Variants in FER observed in about 807,000 individuals in gnomAD.
FER encodes FER tyrosine kinase.
Under a neutral mutation model 111.0 loss-of-function variants are expected in FER, and 63 were observed. That is an observed-to-expected ratio of 0.57 (90% CI 0.46 to 0.70). The LOEUF is 0.70. Among genes scored for constraint, FER ranks in the 30% least tolerant of loss-of-function variants. The probability of loss-of-function intolerance (pLI) is 0.00; values close to 1 mark genes in which losing one functional copy is unlikely to be tolerated. For synonymous variants in FER, 327 were observed against 313.9 expected, an observed-to-expected ratio of 1.04 and a Z score of -0.44; for missense variants, 914 against 954.0, an observed-to-expected ratio of 0.96 and a Z score of 0.55.
chr5:109,011,548 G>A (rs1766269300), intron 13 of FER, among the ~76,000 whole-genome samples: 1 of 152,058 alleles, frequency 6.6e-6, no homozygotes, highest in Non-Finnish European at 1.5e-5. Context: ...TGGACTTAAT[G>A]AGCTAGCCTC....
intron 3 of FER, among the ~76,000 whole-genome samples, chr5:108,809,173 C>T (rs1475637772): frequency 6.6e-6 from 1 of 152,086 alleles, no homozygotes; most frequent in African/African-American, 2.4e-5. Context: ...TGTATTATTC[C>T]TTCAAATATG....
chr5:109,104,385 GAGAT>G (rs1289342720), intron 17 of FER, among the ~76,000 whole-genome samples: 3 of 152,320 alleles, frequency 2.0e-5, no homozygotes, highest in Non-Finnish European at 4.4e-5. Flanking sequence ...ATAATGCAAA[GAGAT>G]AGTCAATTTT....
rs1201234715 is a variant in FER, at chr5:109,189,558, C to T, written c.*1983C>T. On this transcript the variant is annotated 3_prime_UTR_variant, in exon 20 of 20. Coordinates refer to ENST00000281092, the MANE Select transcript of FER (RefSeq NM_005246.4). ...TAAAGGGAAATTTCTTTTGATGGCA[C>T]GTACTATGGTAAATCAAAGCGCAAA... 6.6e-6 allele frequency: 1 copy of T among 152,142 alleles called. No individual in the cohort carries two copies. Among genetic ancestry groups the T allele is most frequent in the Non-Finnish European group, 1.5e-5 (1 of 68,024 alleles). 9.4% of individuals were successfully genotyped at this position (152,142 alleles called of 1,614,324 possible). A position where few individuals can be genotyped will look rare whatever the true frequency, so the allele number is the denominator to read the frequency against.
chr5:109,035,061 GTC>G (rs1770181890), intron 13 of FER, among the ~76,000 whole-genome samples: 1 of 124,810 alleles, frequency 8.0e-6, no homozygotes, highest in South Asian at 2.5e-4. Context: ...TTTTTACTGA[GTC>G]TCGCTCTGTC....
At chr5:109,026,138 AG>A (rs1768700803) in intron 13 of FER, among the ~76,000 whole-genome samples, 1 of 152,210 alleles carries the variant, frequency 6.6e-6, no homozygotes, top group African/African-American at 2.4e-5. Flanking sequence ...TTTTATAAGT[AG>A]GGAAATTACA....
intron 17 of FER, among the ~76,000 whole-genome samples, chr5:109,111,622 C>G (rs1749630652): frequency 6.6e-6 from 1 of 152,170 alleles, no homozygotes; most frequent in African/African-American, 2.4e-5. Context: ...GTTTAACTGA[C>G]TCACAGTTCC....
rs138658348 is a variant in FER, at chr5:108,785,355, C to T, written c.-59-12769C>T. The T allele has an allele frequency of 2.2e-4, 126 of 579,576 alleles. 1 individual carries two copies. In the East Asian group the frequency reaches 5.3e-3, roughly 25 times the overall value. The allele number at this position is 579,576 out of a possible 1,614,324, so 35.9% of individuals were successfully genotyped here. A position where few individuals can be genotyped will look rare whatever the true frequency, so the allele number is the denominator to read the frequency against. ...CCCAACTGCTACTGGCTCTGTGCTGCCATGGGCCCCAGCATCAAGATCTGG... is the reference window on the plus strand; with the variant it reads ...CCCAACTGCTACTGGCTCTGTGCTGTCATGGGCCCCAGCATCAAGATCTGG... On this transcript the variant is annotated intron_variant, in intron 2 of 19. Coordinates refer to ENST00000281092, the MANE Select transcript of FER (RefSeq NM_005246.4).
At chr5:108,789,255 TG>T (rs113268828) in intron 2 of FER, among the ~76,000 whole-genome samples, 2 of 152,224 alleles carry the variant, frequency 1.3e-5, no homozygotes, top group Non-Finnish European at 2.9e-5. Context: ...TTAAGGAGTT[TG>T]GGCTTTATTG....
At chr5:108,887,138 T>G (rs1189411517) in intron 9 of FER, among the ~76,000 whole-genome samples, 7 of 151,754 alleles carry the variant, frequency 4.6e-5, no homozygotes, top group Non-Finnish European at 1.0e-4. Context: ...CTTGTGAGAC[T>G]ACATTTCTTC....
intron 17 of FER, among the ~76,000 whole-genome samples, chr5:109,117,432 T>G (rs1331764137): frequency 6.6e-6 from 1 of 152,154 alleles, no homozygotes; most frequent in East Asian, 1.9e-4. Flanking sequence ...TATCATTTTG[T>G]GATAAACTCA....
intron 1 of FER, among the ~76,000 whole-genome samples, chr5:108,755,498 T>G (rs767902050): frequency 4.6e-5 from 7 of 152,122 alleles, no homozygotes; most frequent in Non-Finnish European, 5.9e-5. Context: ...TTGTTGTTGT[T>G]TTTTGAGACA....
chr5:108,819,419 C>A (rs1246770903), intron 3 of FER, among the ~76,000 whole-genome samples: 1 of 152,078 alleles, frequency 6.6e-6, no homozygotes. Flanking sequence ...AGGTGTAACA[C>A]ATTAAGAATT....
intron 3 of FER, among the ~76,000 whole-genome samples, chr5:108,828,128 C>T (rs115136375): frequency 1.7e-3 from 262 of 152,202 alleles, no homozygotes; most frequent in African/African-American, 6.1e-3. Flanking sequence ...CCTTGGCCTC[C>T]CCAAACACTG....
chr5:108,766,271 A>G (rs1395011778), intron 1 of FER, among the ~76,000 whole-genome samples: 1 of 152,158 alleles, frequency 6.6e-6, no homozygotes, highest in Non-Finnish European at 1.5e-5. Flanking sequence ...TTTGTCATGA[A>G]TTTTATCGTT....
chr5:108,832,196 GT>G (rs5870332), intron 3 of FER, among the ~76,000 whole-genome samples: 34,532 of 151,946 alleles, frequency 0.23, 4,093 homozygotes, highest in African/African-American at 0.28. Context: ...TACAATACCA[GT>G]ATTCTCACAG....
At chr5:108,855,957 T>C (rs1178367491) in intron 5 of FER, among the ~76,000 whole-genome samples, 2 of 151,946 alleles carry the variant, frequency 1.3e-5, no homozygotes, top group African/African-American at 4.8e-5. Context: ...TTTTTTTTTT[T>C]TCAAGATTGG....
chr5:108,936,030 G>A (rs1755420812), intron 10 of FER, among the ~76,000 whole-genome samples: 1 of 152,012 alleles, frequency 6.6e-6, no homozygotes, highest in South Asian at 2.1e-4. Flanking sequence ...AGTCAACATA[G>A]CATAATGATT....
At chr5:108,906,741 A>C (rs1319677782) in intron 10 of FER, among the ~76,000 whole-genome samples, 1 of 152,012 alleles carries the variant, frequency 6.6e-6, no homozygotes, top group Non-Finnish European at 1.5e-5. Context: ...TTATATCTTA[A>C]GATTATTCAT....
intron 5 of FER, among the ~76,000 whole-genome samples, chr5:108,857,660 A>G (rs112053146): frequency 8.4e-4 from 128 of 152,250 alleles, no homozygotes; most frequent in African/African-American, 2.6e-3. Flanking sequence ...TTCTAATTCA[A>G]TTATTCCTTT....
Sources: gnomAD v4.1 joint callset for allele counts (sites outside exome capture counted in the v4.1 genomes callset) on GRCh38, gnomAD v4.1.1 for gene constraint, MANE v1.5 for transcripts, NCBI Gene and HGNC (gene_info 2026-07-23, HGNC 2026-07-21) for gene names.